COL5A2: variants seen among roughly 807,000 people sequenced by gnomAD.
COL5A2 encodes the protein collagen type V alpha 2 chain, also known as collagen alpha-2(V) chain.
A neutral mutation model predicts 208.2 loss-of-function variants in COL5A2; 23 were observed. The observed-to-expected ratio is 0.11, with a 90% CI of 0.08 to 0.16. The LOEUF is 0.16. Among genes scored for constraint, COL5A2 ranks in the 10% least tolerant of loss-of-function variants. COL5A2 has a pLI of 1.00. For missense variants in COL5A2, 1,590 were observed against 1,956.4 expected (o/e 0.81, Z 3.53); for synonymous variants, 625 against 628.5 (o/e 0.99, Z 0.08).
chr2:189,081,107 T>C lies in COL5A2; in HGVS notation c.853-64A>G, dbSNP rs566019308. On this transcript the variant is annotated intron_variant, in intron 12 of 53. Transcript: ENST00000374866. The stretch of plus-strand genomic sequence containing the variant: ...AATAAGGATGCAAAATTCCTTAATA[T>C]ATCATTTTTTCCCAAAAAATAGCTA... The C allele has an allele frequency of 4.3e-5, 59 of 1,376,608 alleles. No homozygotes were observed. In the South Asian group the frequency reaches 6.5e-4, roughly 15 times the overall value. The allele number at this position is 1,376,608 out of a possible 1,614,324, so 85.3% of individuals were successfully genotyped here. A position where few individuals can be genotyped will look rare whatever the true frequency, so the allele number is the denominator to read the frequency against.
At chr2:189,255,317 G>T in the COL5A2 span, among the ~76,000 whole-genome samples, 12 of 152,154 alleles carry the variant, frequency 7.9e-5, no homozygotes, top group African/African-American at 2.9e-4. Context: ...AGTAACATTT[G>T]TGTAGTCATT....
In COL5A2 at chr2:189,039,573, A is replaced by C. The variant is rs1685516544; in HGVS notation, c.3634-10T>G. 11 of 1,612,050 alleles carry C rather than the reference A, an allele frequency of 6.8e-6. No individual in the cohort carries two copies. The highest frequency in any genetic ancestry group is 9.3e-6 in the Non-Finnish European group (11 of 1,179,690). ...GCTCACCAGGAGGGCCCTAATTAAAAAGAGATTGGAAAGACATTTAACACA... is the reference window on the plus strand; with the variant it reads ...GCTCACCAGGAGGGCCCTAATTAAACAGAGATTGGAAAGACATTTAACACA... On this transcript the variant is annotated splice_polypyrimidine_tract_variant and intron_variant, in intron 50 of 53. Transcript: ENST00000374866.
At chr2:189,346,617 A>G in the COL5A2 span, among the ~76,000 whole-genome samples, 18 of 152,356 alleles carry the variant, frequency 1.2e-4, no homozygotes, top group South Asian at 3.7e-3. Flanking sequence ...ATGACTATGT[A>G]CAGATATATT....
chr2:189,365,450 C>T, the COL5A2 span, among the ~76,000 whole-genome samples: 1 of 152,214 alleles, frequency 6.6e-6, no homozygotes, highest in African/African-American at 2.4e-5. Context: ...AGTACTAGCA[C>T]CAACTTTACG....
chr2:189,293,021 G>A, the COL5A2 span, among the ~76,000 whole-genome samples: 2 of 151,248 alleles, frequency 1.3e-5, no homozygotes, highest in East Asian at 2.0e-4. Context: ...ACCAAACACC[G>A]CATATTCTCA....
the COL5A2 span, among the ~76,000 whole-genome samples, chr2:189,284,167 CAATT>C: frequency 2.2e-3 from 328 of 152,144 alleles, no homozygotes; most frequent in Middle Eastern, 0.017. Context: ...AAATAGGTAA[CAATT>C]AGTTGGAAAA....
chr2:189,172,983 T>C (rs1230788332), intron 1 of COL5A2, among the ~76,000 whole-genome samples: 1 of 147,724 alleles, frequency 6.8e-6, no homozygotes, highest in Non-Finnish European at 1.5e-5. Context: ...TTTTTTTTTT[T>C]TTTTTGAGAC....
chr2:189,301,502 T>C, the COL5A2 span, among the ~76,000 whole-genome samples: 1 of 152,196 alleles, frequency 6.6e-6, no homozygotes, highest in Non-Finnish European at 1.5e-5. Context: ...TGCTGTTTTT[T>C]CCTCACAGTG....
intron 16 of COL5A2, among the ~76,000 whole-genome samples, chr2:189,077,137 C>T (rs951665775): frequency 3.9e-5 from 6 of 152,030 alleles, no homozygotes; most frequent in African/African-American, 1.4e-4. Context: ...AGAGAAGTGG[C>T]CCATTCCCCC....
intron 1 of COL5A2, among the ~76,000 whole-genome samples, chr2:189,117,759 G>T (rs1376726911): frequency 1.3e-5 from 2 of 150,742 alleles, no homozygotes; most frequent in African/African-American, 4.9e-5. Flanking sequence ...TAATGTAGTA[G>T]TTACCACTTT....
intron 1 of COL5A2, among the ~76,000 whole-genome samples, chr2:189,116,110 C>T (rs1687383226): frequency 6.6e-6 from 1 of 152,152 alleles, no homozygotes; most frequent in South Asian, 2.1e-4. Flanking sequence ...AAGATCTGGG[C>T]TACCATTACT....
chr2:189,032,853 G>C lies in COL5A2; in HGVS notation c.*1217C>G, dbSNP rs1448886929. 2.6e-5 allele frequency: 4 copies of C among 152,526 alleles called. No homozygotes were observed. Among genetic ancestry groups the C allele is most frequent in the African/African-American group, 7.2e-5 (3 of 41,424 alleles). 9.4% of individuals were successfully genotyped at this position (152,526 alleles called of 1,614,324 possible). ...TGATTAAACCATCTTTATTTTTAAG[G>C]AATTTTATAGGAAGAATTTTAGCAC... On this transcript the variant is annotated 3_prime_UTR_variant, in exon 54 of 54. Transcript: ENST00000374866.
chr2:189,057,879 G>A (rs933438666), intron 33 of COL5A2, among the ~76,000 whole-genome samples: 3 of 151,918 alleles, frequency 2.0e-5, no homozygotes, highest in Non-Finnish European at 4.4e-5. Flanking sequence ...AATAATAAGG[G>A]GTCTCATGTC....
chr2:189,303,185 A>G, the COL5A2 span, among the ~76,000 whole-genome samples: 10 of 152,324 alleles, frequency 6.6e-5, no homozygotes, highest in Non-Finnish European at 1.2e-4. Context: ...GAAGACATAA[A>G]CAGAAACCAA....
At chr2:189,227,435 T>C (rs1486153716), upstream of COL5A2, among the ~76,000 whole-genome samples, 2 of 152,088 alleles carry the variant, frequency 1.3e-5, no homozygotes, top group African/African-American at 2.4e-5. Context: ...AGTGGCTGAA[T>C]AGATTAAACT....
intron 31 of COL5A2, among the ~76,000 whole-genome samples, chr2:189,059,584 G>GTTTTTTTT (rs1559083852): frequency 4.7e-5 from 1 of 21,232 alleles, no homozygotes; most frequent in Non-Finnish European, 1.8e-4. Context: ...TTTCTTTTCT[G>GTTTTTTTT]GTTTTTTTTT....
intron 1 of COL5A2, among the ~76,000 whole-genome samples, chr2:189,198,744 T>C (rs1288162206): frequency 6.6e-6 from 1 of 151,876 alleles, no homozygotes; most frequent in Non-Finnish European, 1.5e-5. Flanking sequence ...ATGTTTTCAT[T>C]TTGAGGGATA....
chr2:189,374,768 T>C, the COL5A2 span, among the ~76,000 whole-genome samples: 1 of 152,210 alleles, frequency 6.6e-6, no homozygotes, highest in Non-Finnish European at 1.5e-5. Flanking sequence ...AAAGGAAATC[T>C]GAGCTAAAGA....
the COL5A2 span, among the ~76,000 whole-genome samples, chr2:189,363,359 A>C: frequency 2.0e-4 from 30 of 152,090 alleles, no homozygotes; most frequent in Admixed American, 7.2e-4. Context: ...TGAATTTATA[A>C]ATTTACAAAT....
Sources: allele counts gnomAD v4.1 joint callset (sites outside exome capture counted in the v4.1 genomes callset), GRCh38; gene constraint gnomAD v4.1.1; transcripts MANE v1.5; gene names NCBI Gene and HGNC (gene_info 2026-07-23, HGNC 2026-07-21).